RCSD1: variants seen among roughly 807,000 people sequenced by gnomAD.
The protein encoded by RCSD1 is RCSD domain containing 1, also known as capZ-interacting protein.
RCSD1 carries 26 observed loss-of-function variants against 42.5 expected under a neutral mutation model. The ratio of observed to expected loss-of-function variants is 0.61; its 90% CI spans 0.45 to 0.85. The LOEUF is 0.85. Ranked by LOEUF, RCSD1 falls within the 40% of genes least tolerant of loss-of-function variation. The pLI is 0.00. For synonymous variants in RCSD1, 220 were observed against 212.2 expected (o/e 1.04, Z -0.32); for missense variants, 571 against 528.3 (o/e 1.08, Z -0.79).
Position 167,687,326 on chromosome 1 carries a change from C to G in RCSD1, c.198+1816C>G, listed in dbSNP as rs549296330. Among the ~76,000 whole-genome samples the G allele has an allele frequency of 8.6e-4, 131 of 152,132 alleles. 2 individuals are homozygous for G. The highest frequency in any genetic ancestry group is 3.1e-3 in the African/African-American group (129 of 41,480). Reference sequence around the variant, plus strand: ...GATCACGAGGTCAGGAGATTGAGACCATCCTGGCTAACACGGTGAAACCCC... The same window carrying G: ...GATCACGAGGTCAGGAGATTGAGACGATCCTGGCTAACACGGTGAAACCCC... On this transcript the variant is annotated intron_variant, in intron 3 of 6. Coordinates refer to ENST00000367854, the MANE Select transcript of RCSD1 (RefSeq NM_052862.4).
chr1:167,699,298 A>G (rs527616502), intron 6 of RCSD1, among the ~76,000 whole-genome samples: 1 of 152,334 alleles, frequency 6.6e-6, no homozygotes, highest in East Asian at 1.9e-4. Flanking sequence ...ACTTTCTTAC[A>G]GCTCTACAGT....
rs1658106352 is a variant in RCSD1 at position 167,645,305 on chromosome 1, T to G, written c.6+14876T>G. 5.3e-5 allele frequency among the ~76,000 whole-genome samples: 8 copies of G among 152,352 alleles called. No individual in the cohort carries two copies. In the South Asian group the frequency reaches 1.7e-3, roughly 32 times the overall value. ...GACAGACCTGGCTTGGAAATACGCA[T>G]GCATTTGTTCCACAAATATTTATTG... On this transcript the variant is annotated intron_variant, in intron 1 of 6. Coordinates refer to ENST00000367854, the MANE Select transcript of RCSD1 (RefSeq NM_052862.4).
intron 1 of RCSD1, among the ~76,000 whole-genome samples, chr1:167,673,388 A>T (rs1206051187): frequency 1.3e-5 from 2 of 152,218 alleles, no homozygotes; most frequent in Admixed American, 1.3e-4. Context: ...GGCTTAAGAA[A>T]TGAAGTCCAC....
chr1:167,677,834 G>A (rs1571697629), intron 1 of RCSD1, among the ~76,000 whole-genome samples: 1 of 152,174 alleles, frequency 6.6e-6, no homozygotes, highest in Admixed American at 6.5e-5. Context: ...AAACTGTTTA[G>A]GGAAAAGATC....
intron 1 of RCSD1, among the ~76,000 whole-genome samples, chr1:167,681,283 T>C (rs1403381165): frequency 1.3e-5 from 2 of 152,214 alleles, no homozygotes; most frequent in African/African-American, 4.8e-5. Context: ...TCTGTGTGAC[T>C]CTGGCTGTCA....
rs1658428689 is a variant in RCSD1, at chr1:167,656,480, T to G, written c.6+26051T>G. 2.6e-5 allele frequency among the ~76,000 whole-genome samples: 4 copies of G among 152,386 alleles called. No individual in the cohort carries two copies. In the South Asian group the frequency reaches 8.3e-4, roughly 32 times the overall value. On this transcript the variant is annotated intron_variant, in intron 1 of 6. Coordinates refer to ENST00000367854, the MANE Select transcript of RCSD1 (RefSeq NM_052862.4). ...GAGGTTCTTCTTTGTTTTCCTTTTT[T>G]AATTGAGCAAATTTTTAAAATCAAT...
rs573635730 is a variant in RCSD1 at position 167,677,226 on chromosome 1, C to T, written c.7-6674C>T. ...GCTGTTCACTCCTTGAGGGCCGTCACGGTTACCCCAATGCATTCTACAGTG... is the reference window on the plus strand; with the variant it reads ...GCTGTTCACTCCTTGAGGGCCGTCATGGTTACCCCAATGCATTCTACAGTG... On this transcript the variant is annotated intron_variant, in intron 1 of 6. Transcript: ENST00000367854. 2.6e-4 allele frequency among the ~76,000 whole-genome samples: 40 copies of T among 152,312 alleles called. 1 individual carries two copies. In the South Asian group the frequency reaches 7.5e-3, roughly 28 times the overall value.
rs1164944869 is a variant in RCSD1 at position 167,708,598 on chromosome 1, C to G, written c.*3902C>G. Among the ~76,000 whole-genome samples the G allele has an allele frequency of 6.6e-6, 1 of 152,166 alleles. No homozygotes were observed. The highest frequency in any genetic ancestry group is 1.5e-5 in the Non-Finnish European group (1 of 68,040). On this transcript the variant is annotated 3_prime_UTR_variant, in exon 7 of 7. Coordinates refer to ENST00000367854, the MANE Select transcript of RCSD1 (RefSeq NM_052862.4). ...ATGTATTACTGTGCCCAGAGCTAACCTGTAGCTCTAGGGGAGTACAATGTG... is the reference window on the plus strand; with the variant it reads ...ATGTATTACTGTGCCCAGAGCTAACGTGTAGCTCTAGGGGAGTACAATGTG...
chr1:167,649,857 A>G (rs1396914032), intron 1 of RCSD1, among the ~76,000 whole-genome samples: 1 of 152,216 alleles, frequency 6.6e-6, no homozygotes, highest in Non-Finnish European at 1.5e-5. Flanking sequence ...TTTAAAGGAC[A>G]GACAGACCAG....
chr1:167,701,272 CTTT>C (rs2101725323), intron 6 of RCSD1, among the ~76,000 whole-genome samples: 1 of 138,246 alleles, frequency 7.2e-6, no homozygotes, highest in Non-Finnish European at 1.5e-5. Context: ...TTCTTTCTTT[CTTT>C]CTTTCTTTCT....
chr1:167,645,606 T>A (rs541835320), intron 1 of RCSD1, among the ~76,000 whole-genome samples: 1 of 152,302 alleles, frequency 6.6e-6, no homozygotes, highest in African/African-American at 2.4e-5. Flanking sequence ...AGGAAGAATT[T>A]TTTTTAAACA....
rs997419691 is a variant in RCSD1 at position 167,707,142 on chromosome 1, G to A, written c.*2446G>A. ...AGGGATCTGCCACTATTTAAAAGGG[G>A]ATTAGGATTCTGTTTCAGCTGCATG... On this transcript the variant is annotated 3_prime_UTR_variant, in exon 7 of 7. Coordinates refer to ENST00000367854, the MANE Select transcript of RCSD1 (RefSeq NM_052862.4). Among the ~76,000 whole-genome samples, 3 of 152,172 alleles carry A rather than the reference G, an allele frequency of 2.0e-5. No individual in the cohort carries two copies. The South Asian group carries it at 6.2e-4, about 32-fold the overall frequency.
chr1:167,687,749 T>C (rs1347063962), intron 3 of RCSD1, among the ~76,000 whole-genome samples: 1 of 152,224 alleles, frequency 6.6e-6, no homozygotes, highest in Non-Finnish European at 1.5e-5. Flanking sequence ...ATTTCATCCC[T>C]GCCCCGCTAT....
At chr1:167,694,837 G>A (rs566015809) in intron 5 of RCSD1, among the ~76,000 whole-genome samples, 16 of 152,256 alleles carry the variant, frequency 1.1e-4, no homozygotes, top group African/African-American at 3.9e-4. Context: ...ATGGCAGGGT[G>A]CATTTCTACA....
intron 1 of RCSD1, among the ~76,000 whole-genome samples, chr1:167,637,913 G>T (rs1657903050): frequency 6.6e-6 from 1 of 152,220 alleles, no homozygotes. Flanking sequence ...CTGTAGAGCA[G>T]CAGCCAACCA....
chr1:167,683,525 T>C (rs1659134955), intron 1 of RCSD1, among the ~76,000 whole-genome samples: 1 of 152,184 alleles, frequency 6.6e-6, no homozygotes, highest in Admixed American at 6.5e-5. Context: ...ATAAAGGGCA[T>C]TTGCTCACCC....
At chr1:167,678,203 G>A (rs747886727) in intron 1 of RCSD1, among the ~76,000 whole-genome samples, 17 of 152,096 alleles carry the variant, frequency 1.1e-4, no homozygotes, top group African/African-American at 7.2e-5. Flanking sequence ...ATGCAGTCTC[G>A]TAACATCAAC....
At chr1:167,654,103 C>T (rs1479942128) in intron 1 of RCSD1, among the ~76,000 whole-genome samples, 1 of 152,148 alleles carries the variant, frequency 6.6e-6, no homozygotes, top group South Asian at 2.1e-4. Flanking sequence ...AGATCATCTT[C>T]GTTAAGCACT....
At chr1:167,681,882 G>A (rs1020550051) in intron 1 of RCSD1, among the ~76,000 whole-genome samples, 1 of 152,172 alleles carries the variant, frequency 6.6e-6, no homozygotes, top group African/African-American at 2.4e-5. Flanking sequence ...CAAGTGTGAG[G>A]GTAAAACGTG....
Sources: allele counts gnomAD v4.1 joint callset (sites outside exome capture counted in the v4.1 genomes callset), GRCh38; gene constraint gnomAD v4.1.1; transcripts MANE v1.5; gene names NCBI Gene and HGNC (gene_info 2026-07-23, HGNC 2026-07-21).